CWC27: variants seen among roughly 807,000 people sequenced by gnomAD.
CWC27 encodes the protein CWC27 spliceosome associated cyclophilin, also known as spliceosome-associated protein CWC27 homolog.
Under a neutral mutation model 63.6 loss-of-function variants are expected in CWC27, and 47 were observed. That is an observed-to-expected ratio of 0.74 (90% CI 0.58 to 0.94). The LOEUF (loss-of-function observed/expected upper bound fraction) is 0.94. CWC27 is among the 40% of genes least tolerant of loss of function. The pLI is 0.00. For missense variants in CWC27, 495 were observed against 554.3 expected, an observed-to-expected ratio of 0.89 and a Z score of 1.07; for synonymous variants, 175 against 179.8, an observed-to-expected ratio of 0.97 and a Z score of 0.22.
chr5:64,899,819 G>C (rs188266041), intron 11 of CWC27, among the ~76,000 whole-genome samples: 1 of 152,150 alleles, frequency 6.6e-6, no homozygotes, highest in African/African-American at 2.4e-5. Context: ...CATGCCCCTT[G>C]TTAACCCCCT....
At chr5:64,789,867 C>G (rs369030892) in intron 7 of CWC27, among the ~76,000 whole-genome samples, 1 of 152,170 alleles carries the variant, frequency 6.6e-6, no homozygotes, top group East Asian at 1.9e-4. Context: ...AACTTTATAA[C>G]CTATAAGCCT....
At chr5:64,906,428 G>T (rs544138970) in intron 11 of CWC27, among the ~76,000 whole-genome samples, 18 of 152,264 alleles carry the variant, frequency 1.2e-4, no homozygotes, top group Admixed American at 7.2e-4. Context: ...CAGTGATGAT[G>T]AACATTTTTT....
At chr5:64,794,859 A>G (rs1466974069) in intron 7 of CWC27, among the ~76,000 whole-genome samples, 1 of 152,190 alleles carries the variant, frequency 6.6e-6, no homozygotes, top group East Asian at 1.9e-4. Context: ...TTTTCAAGTT[A>G]AAGCTTACAA....
chr5:64,886,485 T>C (rs1747074926), intron 11 of CWC27, among the ~76,000 whole-genome samples: 1 of 152,166 alleles, frequency 6.6e-6, no homozygotes, highest in African/African-American at 2.4e-5. Context: ...TGAAGTGTTT[T>C]ACCTACTAGA....
At chr5:64,972,633 T>C (rs1281430550) in intron 12 of CWC27, 3 of 447,094 alleles carry the variant, frequency 6.7e-6, no homozygotes, top group Non-Finnish European at 1.3e-5. Context: ...TCTGGATAAT[T>C]TCTTAATTTC....
intron 1 of CWC27, 35 bp from the exon 2 acceptor site, chr5:64,774,656 T>G: frequency 7.8e-7 from 1 of 1,288,770 alleles, no homozygotes; most frequent in Non-Finnish European, 1.1e-6. Context: ...TTAAGCAAAA[T>G]AATAATTTAA....
At chr5:64,807,896 C>A in intron 10 of CWC27, 1 of 1,448,130 alleles carries the variant, frequency 6.9e-7, no homozygotes, top group Admixed American at 2.5e-5. Flanking sequence ...CCTGTCCCTA[C>A]CTCCTTCCTA....
intron 12 of CWC27, among the ~76,000 whole-genome samples, chr5:64,976,179 C>G (rs762336990): frequency 3.7e-4 from 57 of 152,070 alleles, no homozygotes; most frequent in Non-Finnish European, 6.8e-4. Flanking sequence ...TTTCATTTTT[C>G]CATTTGTATG....
chr5:64,818,456 C>T (rs1745106066), intron 10 of CWC27, among the ~76,000 whole-genome samples: 1 of 151,972 alleles, frequency 6.6e-6, no homozygotes, highest in South Asian at 2.1e-4. Flanking sequence ...TTTTTTTGCT[C>T]ACAATATTGA....
intron 11 of CWC27, among the ~76,000 whole-genome samples, chr5:64,896,949 T>C (rs1432239384): frequency 1.3e-5 from 2 of 152,176 alleles, no homozygotes; most frequent in African/African-American, 2.4e-5. Flanking sequence ...CGGTGGCTCA[T>C]ACCTGTAATC....
intron 11 of CWC27, among the ~76,000 whole-genome samples, chr5:64,968,719 A>G (rs1749068211): frequency 6.6e-6 from 1 of 152,162 alleles, no homozygotes; most frequent in South Asian, 2.1e-4. Flanking sequence ...ACATTTGGAC[A>G]CTTTGTAGGG....
intron 11 of CWC27, among the ~76,000 whole-genome samples, chr5:64,937,287 G>A (rs2112409749): frequency 6.6e-6 from 1 of 152,218 alleles, no homozygotes; most frequent in East Asian, 1.9e-4. Context: ...AGAGATTCTG[G>A]TTCATTGTGT....
intron 7 of CWC27, among the ~76,000 whole-genome samples, chr5:64,798,939 C>T (rs1308745163): frequency 1.3e-5 from 2 of 152,108 alleles, no homozygotes; most frequent in Non-Finnish European, 2.9e-5. Flanking sequence ...ATCTTCCCCC[C>T]TCAAGATACA....
chr5:64,840,412 T>C (rs1398807367), intron 10 of CWC27, among the ~76,000 whole-genome samples: 1 of 81,692 alleles, frequency 1.2e-5, no homozygotes, highest in Non-Finnish European at 2.6e-5. Context: ...TATATATATA[T>C]ATATATATAT....
intron 11 of CWC27, among the ~76,000 whole-genome samples, chr5:64,899,326 G>A (rs1317985785): frequency 6.6e-6 from 1 of 152,200 alleles, no homozygotes; most frequent in Non-Finnish European, 1.5e-5. Flanking sequence ...TGGCAGAGCA[G>A]GAGCCATAGA....
chr5:64,963,185 C>T (rs1748950497), intron 11 of CWC27, among the ~76,000 whole-genome samples: 1 of 152,106 alleles, frequency 6.6e-6, no homozygotes, highest in Admixed American at 6.5e-5. Context: ...TGGTTTCAAA[C>T]TCCTGAGCTC....
chr5:64,971,577 G>T, intron 11 of CWC27, 126 bp from the exon 12 acceptor site: 1 of 604,544 alleles, frequency 1.7e-6, no homozygotes, highest in South Asian at 3.0e-5. Context: ...GTTTTCTTTT[G>T]AAATTAAATG....
chr5:64,937,844 A>C (rs1212303725), intron 11 of CWC27, among the ~76,000 whole-genome samples: 1 of 150,786 alleles, frequency 6.6e-6, no homozygotes, highest in Non-Finnish European at 1.5e-5. Flanking sequence ...TTACCATTAT[A>C]TAATGCCCTT....
intron 10 of CWC27, among the ~76,000 whole-genome samples, chr5:64,852,167 A>G (rs1267084740): frequency 8.5e-5 from 13 of 152,178 alleles, no homozygotes; most frequent in Non-Finnish European, 1.6e-4. Context: ...AGAGTGCTTC[A>G]GTAATTTTGT....
Sources: gnomAD v4.1 joint callset for allele counts (sites outside exome capture counted in the v4.1 genomes callset) on GRCh38, gnomAD v4.1.1 for gene constraint, MANE v1.5 for transcripts, NCBI Gene and HGNC (gene_info 2026-07-23, HGNC 2026-07-21) for gene names.